Variants in GPC6 observed in about 807,000 individuals in gnomAD.
The protein encoded by GPC6 is glypican-6.
GPC6 carries 14 observed loss-of-function variants against 55.2 expected under a neutral mutation model. The observed-to-expected ratio is 0.25, with a 90% CI of 0.17 to 0.40. The LOEUF (loss-of-function observed/expected upper bound fraction) is 0.40. GPC6 is among the 10% of genes least tolerant of loss of function. The pLI is 1.00. For synonymous variants in GPC6, 278 were observed against 259.6 expected, an observed-to-expected ratio of 1.07 and a Z score of -0.68; for missense variants, 641 against 708.5, an observed-to-expected ratio of 0.90 and a Z score of 1.08.
intron 2 of GPC6, among the ~76,000 whole-genome samples, chr13:93,576,659 G>A (rs955084352): frequency 7.2e-5 from 11 of 152,018 alleles, no homozygotes; most frequent in East Asian, 3.9e-4. Context: ...TCATGCTAAC[G>A]TACAATTTCC....
intron 3 of GPC6, among the ~76,000 whole-genome samples, chr13:93,834,219 G>A (rs561766433): frequency 6.6e-6 from 1 of 152,280 alleles, no homozygotes; most frequent in Admixed American, 6.5e-5. Context: ...GACATAGAAA[G>A]TAGAAACGTC....
chr13:93,832,145 A>ATATATATATATAT (rs71272209), intron 3 of GPC6, among the ~76,000 whole-genome samples: 24 of 117,444 alleles, frequency 2.0e-4, no homozygotes, highest in East Asian at 5.1e-4. Flanking sequence ...ATATATATAT[A>ATATATATATATAT]ATGTCCTTAC....
chr13:93,439,734 C>T lies in GPC6; in HGVS notation c.161-105529C>T, dbSNP rs115815556. ...TAAAATAAAATAAAACACCAAGCTTCGGGTGTGTCTTTATTAGCAGCATGA... is the reference window on the plus strand; with the variant it reads ...TAAAATAAAATAAAACACCAAGCTTTGGGTGTGTCTTTATTAGCAGCATGA... On this transcript the variant is annotated intron_variant, in intron 1 of 8. Transcript: ENST00000377047. Among the ~76,000 whole-genome samples, 678 of 150,738 alleles carry T rather than the reference C, an allele frequency of 4.5e-3. 11 individuals carry two copies. The highest frequency in any genetic ancestry group is 0.016 in the African/African-American group (641 of 40,304).
intron 4 of GPC6, among the ~76,000 whole-genome samples, chr13:94,107,413 T>C (rs1000904870): frequency 2.6e-5 from 4 of 152,124 alleles, no homozygotes; most frequent in Non-Finnish European, 4.4e-5. Flanking sequence ...CCTGTGTTGA[T>C]CATTTTCTTC....
intron 1 of GPC6, among the ~76,000 whole-genome samples, chr13:93,287,343 A>G (rs1049625600): frequency 1.3e-5 from 2 of 152,212 alleles, no homozygotes; most frequent in African/African-American, 4.8e-5. Flanking sequence ...AGCCAATGAC[A>G]TAGAGGCAGG....
In GPC6 at chr13:94,398,506, A is replaced by G; in HGVS notation, c.1330A>G (p.Ile444Val). The change falls in exon 8 of 9, where the codon ATC (isoleucine) becomes GTC (valine). Residue 444 changes from isoleucine (I) to valine (V), a missense_variant. Physicochemically the swap from Ile to Val is conservative, Grantham distance 29. Transcript: ENST00000377047. ...EIMNDGLTNQINNPEVDVDIT... is the reference protein window; with the variant it reads ...EIMNDGLTNQVNNPEVDVDIT... ...CATGAATGATGGGCTCACCAACCAG[A>G]TCAACAATCCCGAGGTGGATGTGGA... 6.2e-7 allele frequency: 1 copy of G among 1,613,880 alleles called. No homozygotes were observed. Among genetic ancestry groups the G allele is most frequent in the Non-Finnish European group, 8.5e-7 (1 of 1,179,802 alleles).
At chr13:93,478,376 A>G (rs554227818) in intron 1 of GPC6, among the ~76,000 whole-genome samples, 1 of 152,310 alleles carries the variant, frequency 6.6e-6, no homozygotes, top group South Asian at 2.1e-4. Flanking sequence ...TTGGTCTGAT[A>G]CAGAGTAGAT....
intron 1 of GPC6, among the ~76,000 whole-genome samples, chr13:93,262,053 G>A (rs1877167963): frequency 6.6e-6 from 1 of 151,882 alleles, no homozygotes; most frequent in Admixed American, 6.6e-5. Context: ...CTGACTACAA[G>A]ACTATGACAT....
intron 4 of GPC6, among the ~76,000 whole-genome samples, chr13:94,264,540 G>T (rs1395714604): frequency 6.6e-6 from 1 of 152,104 alleles, no homozygotes; most frequent in Non-Finnish European, 1.5e-5. Flanking sequence ...TGTTGTTCTG[G>T]TCACTAGACG....
rs117335993 is a variant in GPC6, at chr13:93,247,620, C to T, written c.160+20004C>T. ...GCTTAGGCCAATCTTTTTATATGACCGCAATAAAGAATATATTCATTTCAC... is the reference window on the plus strand; with the variant it reads ...GCTTAGGCCAATCTTTTTATATGACTGCAATAAAGAATATATTCATTTCAC... On this transcript the variant is annotated intron_variant, in intron 1 of 8. Coordinates refer to ENST00000377047, the MANE Select transcript of GPC6 (RefSeq NM_005708.5). Among the ~76,000 whole-genome samples, 1,342 of 152,116 alleles carry T rather than the reference C, an allele frequency of 8.8e-3. 11 individuals carry two copies. Among genetic ancestry groups the T allele is most frequent in the Middle Eastern group, 0.017 (5 of 294 alleles).
At chr13:93,854,107 G>A (rs1888515574) in intron 3 of GPC6, among the ~76,000 whole-genome samples, 1 of 151,612 alleles carries the variant, frequency 6.6e-6, no homozygotes, top group South Asian at 2.1e-4. Flanking sequence ...AGGTTGGGGT[G>A]TTTCTTTCAA....
chr13:93,965,079 T>A (rs990593368), intron 3 of GPC6, among the ~76,000 whole-genome samples: 4 of 150,826 alleles, frequency 2.7e-5, no homozygotes, highest in Non-Finnish European at 5.9e-5. Flanking sequence ...ATAAAGTTAG[T>A]AAGTATTTGG....
intron 4 of GPC6, among the ~76,000 whole-genome samples, chr13:94,094,209 G>C (rs1885589799): frequency 6.6e-6 from 1 of 152,026 alleles, no homozygotes; most frequent in African/African-American, 2.4e-5. Context: ...TTCCTACTTA[G>C]AATCTTCATA....
chr13:93,396,638 A>C (rs1406998372), intron 1 of GPC6, among the ~76,000 whole-genome samples: 5 of 152,008 alleles, frequency 3.3e-5, no homozygotes, highest in Admixed American at 3.3e-4. Flanking sequence ...CCAGGCTTTA[A>C]ATCTTGGCTC....
chr13:93,833,056 G>A (rs28402108), intron 3 of GPC6, among the ~76,000 whole-genome samples: 1 of 149,762 alleles, frequency 6.7e-6, no homozygotes, highest in African/African-American at 2.5e-5. Context: ...GATGGGTAGA[G>A]AGATAGATGG....
intron 2 of GPC6, among the ~76,000 whole-genome samples, chr13:93,822,617 C>T (rs73551708): frequency 0.029 from 4,333 of 150,072 alleles, 77 homozygotes; most frequent in South Asian, 0.063. Flanking sequence ...CCCCAACAAG[C>T]CCCAGTGTGT....
chr13:94,283,094 T>G (rs552959470), intron 4 of GPC6, among the ~76,000 whole-genome samples: 4 of 152,242 alleles, frequency 2.6e-5, no homozygotes, highest in Non-Finnish European at 5.9e-5. Context: ...AAGTCATCCA[T>G]GTGTCTTTTA....
chr13:94,217,335 G>A (rs552347579), intron 4 of GPC6, among the ~76,000 whole-genome samples: 2 of 152,198 alleles, frequency 1.3e-5, no homozygotes, highest in Admixed American at 6.5e-5. Flanking sequence ...ACCTCTTTCT[G>A]AGCCTTAAAT....
At chr13:94,400,628 C>T (rs1881084507) in intron 8 of GPC6, among the ~76,000 whole-genome samples, 1 of 152,150 alleles carries the variant, frequency 6.6e-6, no homozygotes, top group African/African-American at 2.4e-5. Context: ...CTAATTGTGT[C>T]TTTCTCATTC....
Sources: allele counts gnomAD v4.1 joint callset (sites outside exome capture counted in the v4.1 genomes callset), GRCh38; gene constraint gnomAD v4.1.1; transcripts MANE v1.5; gene names NCBI Gene and HGNC (gene_info 2026-07-23, HGNC 2026-07-21).